Variants in MGAT4C observed in about 807,000 individuals in gnomAD.
MGAT4C encodes alpha-1,3-mannosyl-glycoprotein 4-beta-N-acetylglucosaminyltransferase C.
MGAT4C carries 19 observed loss-of-function variants against 40.1 expected under a neutral mutation model. The ratio of observed to expected loss-of-function variants is 0.47; its 90% CI spans 0.33 to 0.70. The LOEUF (loss-of-function observed/expected upper bound fraction) is 0.70. Ranked by LOEUF, MGAT4C falls within the 30% of genes least tolerant of loss-of-function variation. The pLI is 0.02. For synonymous variants in MGAT4C, 181 were observed against 187.1 expected, an observed-to-expected ratio of 0.97 and a Z score of 0.27; for missense variants, 491 against 563.2, an observed-to-expected ratio of 0.87 and a Z score of 1.30.
At chr12:86,044,095 G>C (rs1892155149) in intron 2 of MGAT4C, among the ~76,000 whole-genome samples, 1 of 152,178 alleles carries the variant, frequency 6.6e-6, no homozygotes, top group African/African-American at 2.4e-5. Flanking sequence ...TGTGGTCTAA[G>C]GTGGTTTCAG....
At chr12:86,477,542 A>C (rs117134674) in intron 2 of MGAT4C, among the ~76,000 whole-genome samples, 1,699 of 152,226 alleles carry the variant, frequency 0.011, 19 homozygotes, top group East Asian at 0.045. Context: ...GCTGAAGCTG[A>C]AATAAAAGTT....
chr12:86,358,535 A>T (rs1045438891), intron 3 of MGAT4C, among the ~76,000 whole-genome samples: 2 of 152,210 alleles, frequency 1.3e-5, no homozygotes, highest in African/African-American at 4.8e-5. Flanking sequence ...AGACTGGCAA[A>T]CTGGATAAAG....
intron 2 of MGAT4C, among the ~76,000 whole-genome samples, chr12:86,687,321 C>A (rs10858462): frequency 6.6e-6 from 1 of 151,898 alleles, no homozygotes; most frequent in Non-Finnish European, 1.5e-5. Flanking sequence ...AAGGGTTTTT[C>A]GTGTCTCTAT....
chr12:85,977,818 ACACACACAC>A lies in MGAT4C; in HGVS notation c.*1462_*1470del, dbSNP rs1884116675. 7.4e-6 allele frequency: 1 copy of A among 136,034 alleles called. No individual in the cohort carries two copies. The highest frequency in any genetic ancestry group is 1.9e-4 in the East Asian group (1 of 5,176). 8.4% of individuals were successfully genotyped at this position (136,034 alleles called of 1,614,324 possible). On this transcript the variant is annotated 3_prime_UTR_variant, in exon 5 of 5. Transcript: ENST00000611864. ...CACACACACACACACACACACACAC[ACACACACAC>A]ACACACAGAGTCATCTATATGAACA... is the stretch of plus-strand genomic sequence containing the variant.
At chr12:86,321,483 G>C (rs931158896) in intron 4 of MGAT4C, among the ~76,000 whole-genome samples, 19 of 152,058 alleles carry the variant, frequency 1.2e-4, no homozygotes, top group African/African-American at 3.9e-4. Context: ...TTGATAGTTT[G>C]GGATTTATTT....
At chr12:86,683,235 G>A (rs763001191) in intron 2 of MGAT4C, among the ~76,000 whole-genome samples, 11 of 152,216 alleles carry the variant, frequency 7.2e-5, no homozygotes, top group Non-Finnish European at 1.3e-4. Context: ...TGGCACAAAA[G>A]AAAGATTCAA....
chr12:86,474,896 A>T (rs1046744505), intron 2 of MGAT4C, among the ~76,000 whole-genome samples: 1 of 152,256 alleles, frequency 6.6e-6, no homozygotes, highest in East Asian at 1.9e-4. Flanking sequence ...AATTCCAACC[A>T]GTCAATAATT....
chr12:86,465,037 A>G (rs1323269715), intron 2 of MGAT4C, among the ~76,000 whole-genome samples: 1 of 152,148 alleles, frequency 6.6e-6, no homozygotes, highest in African/African-American at 2.4e-5. Context: ...CAGTTAGATA[A>G]TTTATCAGAA....
At chr12:86,040,570 G>A (rs777939905) in intron 2 of MGAT4C, among the ~76,000 whole-genome samples, 10 of 152,152 alleles carry the variant, frequency 6.6e-5, no homozygotes, top group Non-Finnish European at 1.0e-4. Flanking sequence ...CAGCAATGGC[G>A]GAAGCCCCTC....
chr12:86,650,183 G>A (rs1289496910), intron 2 of MGAT4C, among the ~76,000 whole-genome samples: 2 of 151,452 alleles, frequency 1.3e-5, no homozygotes, highest in Non-Finnish European at 1.5e-5. Context: ...CTTCATATTT[G>A]GAAAAAGAAA....
chr12:85,979,557 TTTA>T lies in MGAT4C; in HGVS notation c.1166_1168del (p.Ile389del). The stretch of plus-strand genomic sequence containing the variant: ...TGTTCCAGTATTTACTTTAATTTTT[TTTA>T]TTATAATTGGATTTTCAAATACAAT... On this transcript the variant is annotated inframe_deletion, in exon 5 of 5. Coordinates refer to ENST00000611864, the MANE Select transcript of MGAT4C (RefSeq NM_001351288.2). The T allele has an allele frequency of 6.2e-7, 1 of 1,608,184 alleles. No individual in the cohort carries two copies. The highest frequency in any genetic ancestry group is 8.5e-7 in the Non-Finnish European group (1 of 1,177,630).
rs534069947 is a variant in MGAT4C at position 86,470,479 on chromosome 12, G to A, written c.-228-35214C>T. Among the ~76,000 whole-genome samples the A allele has an allele frequency of 1.3e-3, 203 of 152,180 alleles. 1 individual carries two copies. The highest frequency in any genetic ancestry group is 4.6e-3 in the African/African-American group (192 of 41,546). ...TCCCTTCCCCCAACACCAAATGTGA[G>A]CCTATCATTCAACCCACAGAAGACT... On this transcript the variant is annotated intron_variant, in intron 2 of 7. Transcript: ENST00000548651.
chr12:86,357,987 C>T lies in MGAT4C; in HGVS notation c.-119-23860G>A, dbSNP rs140349438. ...TCAGGAAATACAGAGAACACCACAG[C>T]GATACTCCTCGAGAAGAACAACCCC... On this transcript the variant is annotated intron_variant, in intron 3 of 7. Transcript: ENST00000548651. Among the ~76,000 whole-genome samples the T allele has an allele frequency of 2.3e-3, 353 of 152,018 alleles. 1 individual carries two copies. Among genetic ancestry groups the T allele is most frequent in the African/African-American group, 7.9e-3 (326 of 41,470 alleles).
intron 2 of MGAT4C, among the ~76,000 whole-genome samples, chr12:86,568,914 T>C (rs1218016031): frequency 6.6e-6 from 1 of 151,744 alleles, no homozygotes; most frequent in Non-Finnish European, 1.5e-5. Context: ...CCTCAGCTTA[T>C]ACAAAAATCA....
At chr12:86,834,811 T>C (rs1253466756) in intron 1 of MGAT4C, among the ~76,000 whole-genome samples, 1 of 151,932 alleles carries the variant, frequency 6.6e-6, no homozygotes, top group African/African-American at 2.4e-5. Context: ...GGTTTAAGAC[T>C]GGGTTGGCAC....
chr12:86,039,384 A>G (rs1014365557), intron 2 of MGAT4C, among the ~76,000 whole-genome samples: 1 of 152,130 alleles, frequency 6.6e-6, no homozygotes, highest in African/African-American at 2.4e-5. Context: ...GTCTTTTCAC[A>G]TAGTCCCATA....
chr12:86,438,821 G>T (rs931596327), intron 2 of MGAT4C, among the ~76,000 whole-genome samples: 1 of 151,634 alleles, frequency 6.6e-6, no homozygotes, highest in African/African-American at 2.4e-5. Flanking sequence ...AGCAGGAGTA[G>T]CTATTCTCAT....
chr12:86,327,120 T>C (rs993601173), intron 4 of MGAT4C, among the ~76,000 whole-genome samples: 1 of 152,166 alleles, frequency 6.6e-6, no homozygotes, highest in African/African-American at 2.4e-5. Flanking sequence ...AATATGCATT[T>C]ACCATTATCT....
chr12:86,636,824 C>A (rs1963233334), intron 2 of MGAT4C, among the ~76,000 whole-genome samples: 2 of 151,712 alleles, frequency 1.3e-5, no homozygotes, highest in South Asian at 4.1e-4. Context: ...AGAGATTATC[C>A]TTTTAAATTA....
Sources: gnomAD v4.1 joint callset for allele counts (sites outside exome capture counted in the v4.1 genomes callset) on GRCh38, gnomAD v4.1.1 for gene constraint, MANE v1.5 for transcripts, NCBI Gene and HGNC (gene_info 2026-07-23, HGNC 2026-07-21) for gene names.